The following DAB1 variants were observed in gnomAD, a reference collection of about 807,000 sequenced individuals.
The protein encoded by DAB1 is disabled homolog 1.
DAB1 carries 15 observed loss-of-function variants against 64.6 expected under a neutral mutation model. The observed-to-expected ratio is 0.23, with a 90% CI of 0.16 to 0.36. The LOEUF is 0.36. DAB1 is among the 10% of genes least tolerant of loss of function. DAB1 has a pLI of 1.00. For synonymous variants in DAB1, 235 were observed against 251.9 expected (o/e 0.93, Z 0.64); for missense variants, 596 against 706.7 (o/e 0.84, Z 1.78).
chr1:58,485,931 G>T (rs1408684831), intron 3 of DAB1, among the ~76,000 whole-genome samples: 1 of 152,160 alleles, frequency 6.6e-6, no homozygotes, highest in Non-Finnish European at 1.5e-5. Flanking sequence ...GAAAAAGCAG[G>T]AATGTATTTT....
At chr1:57,352,968 G>A (rs978984207) in intron 1 of DAB1, among the ~76,000 whole-genome samples, 6 of 152,052 alleles carry the variant, frequency 3.9e-5, no homozygotes, top group African/African-American at 1.4e-4. Flanking sequence ...GAATTCATCC[G>A]CACTGTTGGC....
At chr1:57,373,440 T>C (rs958711764) in intron 1 of DAB1, among the ~76,000 whole-genome samples, 1 of 152,176 alleles carries the variant, frequency 6.6e-6, no homozygotes, top group Admixed American at 6.5e-5. Context: ...CTATTGTGTT[T>C]AACAGAAGGA....
At chr1:58,167,524 A>G (rs1345455129) in intron 4 of DAB1, among the ~76,000 whole-genome samples, 1 of 152,178 alleles carries the variant, frequency 6.6e-6, no homozygotes, top group Non-Finnish European at 1.5e-5. Context: ...GGATGTGGGC[A>G]GGGTCAAATA....
At chr1:57,036,443 G>C (rs1647154806) in intron 9 of DAB1, among the ~76,000 whole-genome samples, 1 of 152,058 alleles carries the variant, frequency 6.6e-6, no homozygotes, top group African/African-American at 2.4e-5. Context: ...GCAACCTTTG[G>C]AGACACCCAG....
At chr1:57,841,975 C>A (rs1372295002) in intron 1 of DAB1, among the ~76,000 whole-genome samples, 1 of 152,176 alleles carries the variant, frequency 6.6e-6, no homozygotes, top group Non-Finnish European at 1.5e-5. Context: ...AGAAATTTTC[C>A]AAACCTTTAT....
intron 4 of DAB1, among the ~76,000 whole-genome samples, chr1:58,166,869 G>A (rs866896124): frequency 2.0e-5 from 3 of 148,880 alleles, no homozygotes; most frequent in East Asian, 2.0e-4. Flanking sequence ...CCTCAGCCTC[G>A]AGAGTAGCTG....
Position 58,250,916 on chromosome 1 carries a change from G to T in DAB1, n.309+92436C>A, listed in dbSNP as rs181068170. ...GTGTTCACAGGTGCAAGATTTTGCAGCAGCAGACACACACTCTTCTGCAGG... is the reference window on the plus strand; with the variant it reads ...GTGTTCACAGGTGCAAGATTTTGCATCAGCAGACACACACTCTTCTGCAGG... On this transcript the variant is annotated intron_variant and non_coding_transcript_variant, in intron 4 of 20. Transcript: ENST00000485760. Among the ~76,000 whole-genome samples, 15 of 152,288 alleles carry T rather than the reference G, an allele frequency of 9.8e-5. 1 individual carries two copies. Among genetic ancestry groups the T allele is most frequent in the African/African-American group, 3.6e-4 (15 of 41,552 alleles).
chr1:57,072,449 G>A (rs745979400), intron 4 of DAB1, 35 bp from the exon 5 acceptor site: 2 of 1,605,602 alleles, frequency 1.2e-6, no homozygotes, highest in African/African-American at 2.7e-5. Flanking sequence ...CATATTTCAG[G>A]GGACTTTCCC....
chr1:57,748,769 A>C (rs1183939758), intron 6 of DAB1, among the ~76,000 whole-genome samples: 1 of 98,252 alleles, frequency 1.0e-5, no homozygotes, highest in African/African-American at 3.9e-5. Flanking sequence ...TCTTCTGAGA[A>C]TCTTTAGAGT....
At chr1:57,117,431 C>T (rs765042408) in intron 4 of DAB1, among the ~76,000 whole-genome samples, 3 of 152,190 alleles carry the variant, frequency 2.0e-5, no homozygotes, top group Non-Finnish European at 4.4e-5. Flanking sequence ...CAATGAGGCT[C>T]AGGCTGATTA....
intron 7 of DAB1, among the ~76,000 whole-genome samples, chr1:57,614,868 CTTTTTTT>C (rs34907824): frequency 2.6e-5 from 1 of 38,742 alleles, no homozygotes; most frequent in African/African-American, 5.9e-5. Context: ...TTCTTTCTTT[CTTTTTTT>C]TTTTTTTTTT....
At chr1:58,398,772 G>C (rs1013684639) in intron 3 of DAB1, among the ~76,000 whole-genome samples, 2 of 152,176 alleles carry the variant, frequency 1.3e-5, no homozygotes, top group African/African-American at 4.8e-5. Flanking sequence ...GCAGAGGAAG[G>C]CTGGCTCCTC....
chr1:58,048,581 C>T (rs1322504083), intron 5 of DAB1: 3 of 1,007,440 alleles, frequency 3.0e-6, no homozygotes, highest in Non-Finnish European at 4.7e-6. Context: ...CCCACTGCCA[C>T]CATATCCACT....
rs184577902 is a variant in DAB1, at chr1:57,816,876, G to A, written n.551+67123C>T. Among the ~76,000 whole-genome samples, 7 of 152,236 alleles carry A rather than the reference G, an allele frequency of 4.6e-5. No individual in the cohort carries two copies. The East Asian group carries it at 1.4e-3, about 29-fold the overall frequency. On this transcript the variant is annotated intron_variant and non_coding_transcript_variant, in intron 6 of 20. Transcript: ENST00000485760. ...ATGCCTATTATGTACCGGGTACTGC[G>A]CTAACCAAGAGCAGTAAACAAAAGT...
intron 6 of DAB1, among the ~76,000 whole-genome samples, chr1:57,799,586 G>A (rs201567633): frequency 9.7e-5 from 5 of 51,374 alleles, no homozygotes; most frequent in South Asian, 1.0e-3. Flanking sequence ...AAAAAGATCT[G>A]GGGGGGGCTT....
At chr1:57,310,682 G>A (rs1105502) in intron 1 of DAB1, among the ~76,000 whole-genome samples, 4,051 of 152,168 alleles carry the variant, frequency 0.027, 175 homozygotes, top group African/African-American at 0.091. Flanking sequence ...ATCTCATTTC[G>A]TCTATCCCAC....
chr1:57,074,174 T>G (rs750559593), intron 4 of DAB1, among the ~76,000 whole-genome samples: 1 of 152,140 alleles, frequency 6.6e-6, no homozygotes, highest in Non-Finnish European at 1.5e-5. Context: ...CGGCCATTTA[T>G]TTGGAATTAT....
chr1:58,538,858 G>C, intron 1 of DAB1: 1 of 871,534 alleles, frequency 1.1e-6, no homozygotes, highest in South Asian at 1.3e-5. Context: ...GAGAGGAACC[G>C]GAGCAGCTTG....
chr1:57,551,585 G>A (rs910035962), intron 7 of DAB1, among the ~76,000 whole-genome samples: 10 of 152,180 alleles, frequency 6.6e-5, no homozygotes, highest in Non-Finnish European at 1.2e-4. Flanking sequence ...GAGGATGGGA[G>A]AGGGGGTGGC....
Sources: gnomAD v4.1 joint callset for allele counts (sites outside exome capture counted in the v4.1 genomes callset) on GRCh38, gnomAD v4.1.1 for gene constraint, MANE v1.5 for transcripts, NCBI Gene and HGNC (gene_info 2026-07-23, HGNC 2026-07-21) for gene names.